The following UBE2R2 variants were observed in gnomAD, a reference collection of about 807,000 sequenced individuals.
UBE2R2 encodes the protein ubiquitin conjugating enzyme E2 R2, also known as ubiquitin-conjugating enzyme E2 R2.
UBE2R2 carries 1 observed loss-of-function variant against 27.8 expected under a neutral mutation model. That is an observed-to-expected ratio of 0.04 (90% confidence interval 0.01 to 0.17). The LOEUF is 0.17. Among genes scored for constraint, UBE2R2 ranks in the 10% least tolerant of loss-of-function variants. The probability of loss-of-function intolerance (pLI) is 1.00; values close to 1 mark genes in which losing one functional copy is unlikely to be tolerated. For synonymous variants in UBE2R2, 106 were observed against 113.3 expected, an observed-to-expected ratio of 0.94 and a Z score of 0.41; for missense variants, 100 against 291.0, an observed-to-expected ratio of 0.34 and a Z score of 4.78.
At chr9:33,887,030 T>C in intron 2 of UBE2R2, 63 bp downstream of exon 2, 8 of 1,341,498 alleles carry the variant, frequency 6.0e-6, no homozygotes, top group Non-Finnish European at 8.3e-6. Flanking sequence ...TACTTTAAAA[T>C]AGCCTATCTC....
intron 1 of UBE2R2, among the ~76,000 whole-genome samples, chr9:33,871,219 A>C (rs963301667): frequency 6.6e-6 from 1 of 152,260 alleles, no homozygotes; most frequent in Non-Finnish European, 1.5e-5. Context: ...TAATTAAAAC[A>C]TAGCCATTCA....
At chr9:33,829,489 C>T in intron 1 of UBE2R2, among the ~76,000 whole-genome samples, 1 of 152,098 alleles carries the variant, frequency 6.6e-6, no homozygotes, top group African/African-American at 2.4e-5. Flanking sequence ...CACCTCTATG[C>T]AAAACATCCA....
intron 1 of UBE2R2, among the ~76,000 whole-genome samples, chr9:33,863,202 A>AG (rs1279631754): frequency 2.4e-4 from 36 of 151,252 alleles, no homozygotes; most frequent in African/African-American, 8.0e-4. Flanking sequence ...AAAAAAAAAA[A>AG]AAGAAGAAGA....
chr9:33,884,456 T>A lies in UBE2R2; in HGVS notation c.178-2425T>A, dbSNP rs114678302. Among the ~76,000 whole-genome samples the A allele has an allele frequency of 6.0e-3, 911 of 151,730 alleles. 7 individuals are homozygous for A. Among genetic ancestry groups the A allele is most frequent in the African/African-American group, 0.021 (860 of 41,352 alleles). ...CACCATACCCGACTGATTTTTAAAT[T>A]TTTTGTAGAGTAGGGTCTCGCTACC... On this transcript the variant is annotated intron_variant, in intron 1 of 4. Transcript: ENST00000263228.
intron 1 of UBE2R2, among the ~76,000 whole-genome samples, chr9:33,875,247 AAT>A (rs1175430817): frequency 6.6e-6 from 1 of 152,212 alleles, no homozygotes; most frequent in African/African-American, 2.4e-5. Flanking sequence ...ATATCCAGTC[AAT>A]GTTTACATTT....
intron 2 of UBE2R2, among the ~76,000 whole-genome samples, chr9:33,898,373 C>T (rs748401339): frequency 3.9e-5 from 6 of 152,104 alleles, no homozygotes; most frequent in Non-Finnish European, 7.4e-5. Flanking sequence ...AGCCACCATG[C>T]CTGGCCTCTC....
At chr9:33,876,654 G>T (rs1004298734) in intron 1 of UBE2R2, among the ~76,000 whole-genome samples, 4 of 152,096 alleles carry the variant, frequency 2.6e-5, no homozygotes, top group Admixed American at 6.6e-5. Flanking sequence ...GGTGGCTCAC[G>T]CCTGTAATCC....
intron 2 of UBE2R2, 94 bp downstream of exon 2, chr9:33,887,061 C>A: frequency 1.0e-6 from 1 of 971,026 alleles, no homozygotes; most frequent in Non-Finnish European, 1.5e-6. Context: ...GATACTTAGG[C>A]TTTTGTAGCC....
intron 1 of UBE2R2, among the ~76,000 whole-genome samples, chr9:33,822,362 G>A (rs1199839595): frequency 6.8e-6 from 1 of 146,902 alleles, no homozygotes; most frequent in Non-Finnish European, 1.5e-5. Flanking sequence ...AAAGTGCTGG[G>A]ATTACAGGCC....
intron 1 of UBE2R2, among the ~76,000 whole-genome samples, chr9:33,877,204 C>T (rs1284475237): frequency 1.7e-4 from 22 of 131,654 alleles, no homozygotes; most frequent in African/African-American, 5.1e-4. Context: ...TTTTTTGAGA[C>T]GGAGTCTCAC....
chr9:33,857,134 G>A (rs913798391), intron 1 of UBE2R2, among the ~76,000 whole-genome samples: 2 of 151,586 alleles, frequency 1.3e-5, no homozygotes, highest in Non-Finnish European at 2.9e-5. Flanking sequence ...GACCTCAGGT[G>A]ATCCGCCCGT....
chr9:33,857,042 G>A (rs1266596436), intron 1 of UBE2R2, among the ~76,000 whole-genome samples: 5 of 151,260 alleles, frequency 3.3e-5, no homozygotes, highest in Non-Finnish European at 5.9e-5. Context: ...GATTACAGGC[G>A]CGTGCCACCA....
At chr9:33,887,494 A>C (rs1376454422) in intron 2 of UBE2R2, among the ~76,000 whole-genome samples, 1 of 152,154 alleles carries the variant, frequency 6.6e-6, no homozygotes, top group African/African-American at 2.4e-5. Flanking sequence ...TGCCTGGGGG[A>C]AGCATTTCTA....
At chr9:33,833,893 A>G (rs945826229) in intron 1 of UBE2R2, among the ~76,000 whole-genome samples, 1 of 152,180 alleles carries the variant, frequency 6.6e-6, no homozygotes, top group African/African-American at 2.4e-5. Flanking sequence ...GAGTCATAAA[A>G]TATTTGTCCT....
At chr9:33,849,909 C>G (rs1820927891) in intron 1 of UBE2R2, among the ~76,000 whole-genome samples, 1 of 152,038 alleles carries the variant, frequency 6.6e-6, no homozygotes. Context: ...TGACCCAATT[C>G]TATATGTATA....
chr9:33,871,055 C>T (rs912332883), intron 1 of UBE2R2, among the ~76,000 whole-genome samples: 1 of 152,174 alleles, frequency 6.6e-6, no homozygotes, highest in Non-Finnish European at 1.5e-5. Context: ...TTCACCTTGG[C>T]CTCAATACTT....
intron 1 of UBE2R2, among the ~76,000 whole-genome samples, chr9:33,827,262 G>A (rs978587737): frequency 3.9e-5 from 6 of 152,302 alleles, no homozygotes; most frequent in African/African-American, 1.2e-4. Flanking sequence ...CTGGGAGGTC[G>A]AGGCTTCAGT....
At position 33,886,982 on chromosome 9, in the gene UBE2R2, A is replaced by AT; in HGVS notation, c.264+16dup. ...ACATTTATGAGGTAAGGAGACATCCATCATAAATTTCTCTGAAGATTTTTT... is the reference window on the plus strand; with the variant it reads ...ACATTTATGAGGTAAGGAGACATCCATTCATAAATTTCTCTGAAGATTTTTT... On this transcript the variant is annotated intron_variant, in intron 2 of 4. Transcript: ENST00000263228. 4 of 1,575,318 alleles carry AT rather than the reference A, an allele frequency of 2.5e-6. No homozygotes were observed. Among genetic ancestry groups the AT allele is most frequent in the Non-Finnish European group, 3.4e-6 (4 of 1,167,586 alleles).
intron 1 of UBE2R2, among the ~76,000 whole-genome samples, chr9:33,859,589 CT>C (rs1458972024): frequency 2.0e-5 from 3 of 152,116 alleles, no homozygotes; most frequent in Non-Finnish European, 4.4e-5. Context: ...TATTTCCCCC[CT>C]AAATAGCTGA....
Sources: gnomAD v4.1 joint callset for allele counts (sites outside exome capture counted in the v4.1 genomes callset) on GRCh38, gnomAD v4.1.1 for gene constraint, MANE v1.5 for transcripts, NCBI Gene and HGNC (gene_info 2026-07-23, HGNC 2026-07-21) for gene names.